Variants in LIMS2 observed in about 807,000 individuals in gnomAD.
LIMS2 encodes the protein LIM zinc finger domain containing 2.
LIMS2 carries 30 observed loss-of-function variants against 45.3 expected under a neutral mutation model. The ratio of observed to expected loss-of-function variants is 0.66; its 90% CI spans 0.50 to 0.90. The LOEUF (loss-of-function observed/expected upper bound fraction) is 0.90, where lower values mean the gene tolerates loss of function less well. Ranked by LOEUF, LIMS2 falls within the 40% of genes least tolerant of loss-of-function variation. LIMS2 has a pLI of 0.00. For synonymous variants in LIMS2, 173 were observed against 188.0 expected (o/e 0.92, Z 0.65); for missense variants, 485 against 468.7 (o/e 1.03, Z -0.32).
chr2:127,650,908 G>T, intron 4 of LIMS2: 1 of 1,613,988 alleles, frequency 6.2e-7, no homozygotes, highest in Non-Finnish European at 8.5e-7. Context: ...CTTTTCATCC[G>T]AGACCACAAG....
intron 6 of LIMS2, 37 bp from the exon 7 acceptor site, chr2:127,641,025 C>CT (rs768344690): frequency 1.3e-6 from 2 of 1,577,204 alleles, no homozygotes; most frequent in South Asian, 1.1e-5. Flanking sequence ...GGCATCAGGG[C>CT]TAGAGCGGTG....
chr2:127,648,958 AGGGG>A (rs1683300448), intron 4 of LIMS2, among the ~76,000 whole-genome samples: 16 of 27,400 alleles, frequency 5.8e-4, no homozygotes, highest in East Asian at 1.2e-3. Flanking sequence ...AGGGGAGGGG[AGGGG>A]AGGGGGGGAG....
intron 1 of LIMS2, chr2:127,673,779 A>AG: frequency 6.5e-7 from 1 of 1,545,778 alleles, no homozygotes; most frequent in South Asian, 1.2e-5. Context: ...GCCAGCTGGC[A>AG]GGGATGCTCT....
At chr2:127,679,190 AG>A (rs1247845276), upstream of LIMS2, among the ~76,000 whole-genome samples, 1 of 152,148 alleles carries the variant, frequency 6.6e-6, no homozygotes, top group African/African-American at 2.4e-5. This position sits in a 1 kb window ranked among gnomAD's most constrained non-coding sequence, Gnocchi z 5.3. Flanking sequence ...AGGGGCAGGC[AG>A]GGCCCCTGCA....
chr2:127,660,492 C>T (rs192097236), intron 1 of LIMS2, among the ~76,000 whole-genome samples: 23 of 152,226 alleles, frequency 1.5e-4, no homozygotes, highest in East Asian at 1.2e-3. Context: ...GGAATCGTTT[C>T]GAGGAACAGA....
At chr2:127,654,389 G>T (rs776466775) in intron 4 of LIMS2, 35 bp downstream of exon 4, 18 of 1,613,300 alleles carry the variant, frequency 1.1e-5, no homozygotes, top group Non-Finnish European at 1.4e-5. Context: ...AAGGGCTGTG[G>T]CCCAGTCCTC....
At position 127,672,074 on chromosome 2, in the gene LIMS2, CAT is replaced by C. The variant is rs1221466263; in HGVS notation, c.11+2938_11+2939del. Among the ~76,000 whole-genome samples the C allele has an allele frequency of 6.6e-6, 1 of 152,214 alleles. No homozygotes were observed. The highest frequency in any genetic ancestry group is 2.4e-5 in the African/African-American group (1 of 41,456). ...CACAATCAGGCATACGACAGCCTCA[CAT>C]GTGACACACATGACGGTCACACCAT... On this transcript the variant is annotated intron_variant, in intron 1 of 9. Coordinates refer to ENST00000355119, the MANE Select transcript of LIMS2 (RefSeq NM_001161403.3). This position sits in a 1 kb window ranked among gnomAD's most constrained non-coding sequence, Gnocchi z 4.9.
In LIMS2 at chr2:127,672,291, G is replaced by GT. The variant is rs1202728647; in HGVS notation, c.11+2722dup. Among the ~76,000 whole-genome samples, 7 of 152,180 alleles carry GT rather than the reference G, an allele frequency of 4.6e-5. No homozygotes were observed. The highest frequency in any genetic ancestry group is 1.7e-4 in the African/African-American group (7 of 41,436). On this transcript the variant is annotated intron_variant, in intron 1 of 9. Transcript: ENST00000355119. The surrounding 1 kb of genome is among the most constrained non-coding windows in gnomAD (Gnocchi z 4.9). ...TGTGATAGTCAAAGATCTTGTGGTT[G>GT]TAAGTTGCAAAGTCCCTGAGTTGCT...
At chr2:127,681,164 C>T (rs1258351255) in intron 1 of LIMS2, among the ~76,000 whole-genome samples, 1 of 152,144 alleles carries the variant, frequency 6.6e-6, no homozygotes, top group Non-Finnish European at 1.5e-5. Flanking sequence ...GTCCCCATGC[C>T]GCCTGACGGA....
rs576553267 is a variant in LIMS2, at chr2:127,655,165, C to A, written c.172-269G>T. ...AGGGCCACTGGTGTCTACTGAGGATCTGGACCCTGTTGGTCCGGAGAACAG... is the reference window on the plus strand; with the variant it reads ...AGGGCCACTGGTGTCTACTGAGGATATGGACCCTGTTGGTCCGGAGAACAG... On this transcript the variant is annotated intron_variant, in intron 2 of 9. Transcript: ENST00000355119. 6 of 567,388 alleles carry A rather than the reference C, an allele frequency of 1.1e-5. No individual in the cohort carries two copies. In the East Asian group the frequency reaches 1.5e-4, roughly 14 times the overall value. 35.1% of individuals were successfully genotyped at this position (567,388 alleles called of 1,614,324 possible). A position where few individuals can be genotyped will look rare whatever the true frequency, so the allele number is the denominator to read the frequency against.
chr2:127,676,482 G>A (rs186166380), upstream of LIMS2, among the ~76,000 whole-genome samples: 9 of 135,992 alleles, frequency 6.6e-5, no homozygotes, highest in Middle Eastern at 4.3e-3. Flanking sequence ...TGCAATCTCC[G>A]CTCACTGCAA....
intron 1 of LIMS2, among the ~76,000 whole-genome samples, chr2:127,661,902 T>C (rs1337431461): frequency 1.3e-5 from 2 of 152,170 alleles, no homozygotes; most frequent in Non-Finnish European, 2.9e-5. Flanking sequence ...TCCCATCTCC[T>C]CTTGGCATCC....
Position 127,642,480 on chromosome 2 carries a change from C to T in LIMS2, c.510-281G>A. On this transcript the variant is annotated intron_variant, in intron 5 of 9. Coordinates refer to ENST00000355119, the MANE Select transcript of LIMS2 (RefSeq NM_001161403.3). This position sits in a 1 kb window ranked among gnomAD's most constrained non-coding sequence, Gnocchi z 5.3. ...CTTGGGCCCCCCTCCTCCTCCAAACCAGAGGGGGTGTCTGGATAGGCACGG... is the reference window on the plus strand; with the variant it reads ...CTTGGGCCCCCCTCCTCCTCCAAACTAGAGGGGGTGTCTGGATAGGCACGG... The T allele has an allele frequency of 2.5e-6, 1 of 400,202 alleles. No homozygotes were observed. The highest frequency in any genetic ancestry group is 4.5e-6 in the Non-Finnish European group (1 of 224,356). 24.8% of individuals were successfully genotyped at this position (400,202 alleles called of 1,614,324 possible). A position where few individuals can be genotyped will look rare whatever the true frequency, so the allele number is the denominator to read the frequency against.
chr2:127,674,870 C>A, intron 1 of LIMS2, 144 bp downstream of exon 1: 1 of 1,211,460 alleles, frequency 8.3e-7, no homozygotes, highest in Non-Finnish European at 1.0e-6. Context: ...CGGGCGCTGC[C>A]GCCCCGGCAG....
rs1374266107 is a variant in LIMS2 at position 127,640,121 on chromosome 2, C to A, written c.827G>T (p.Trp276Leu). 3.7e-6 allele frequency: 6 copies of A among 1,613,486 alleles called. No individual in the cohort carries two copies. The highest frequency in any genetic ancestry group is 4.2e-6 in the Non-Finnish European group (5 of 1,180,000). The change falls in exon 9 of 10, where the codon TGG becomes TTG. Residue 276 changes from tryptophan (W) to leucine (L), a missense_variant. Coordinates refer to ENST00000355119, the MANE Select transcript of LIMS2 (RefSeq NM_001161403.3). Reference protein sequence around the residue: ...GDVVSALNKAWCVSCFSCSTC... With the variant: ...GDVVSALNKALCVSCFSCSTC... ...GGAGCAGGAGAAGCAGCTCACACAC[C>A]AGGCCTTGTTGAGGGCCGACACCAC...
rs965900185 is a variant in LIMS2 at position 127,643,297 on chromosome 2, C to A, written c.360-225G>T. 6.8e-6 allele frequency: 4 copies of A among 587,620 alleles called. 1 individual carries two copies. Among genetic ancestry groups the A allele is most frequent in the Admixed American group, 2.6e-5 (1 of 38,006 alleles). 36.4% of individuals were successfully genotyped at this position (587,620 alleles called of 1,614,324 possible). A position where few individuals can be genotyped will look rare whatever the true frequency, so the allele number is the denominator to read the frequency against. On this transcript the variant is annotated intron_variant, in intron 4 of 9. Coordinates refer to ENST00000355119, the MANE Select transcript of LIMS2 (RefSeq NM_001161403.3). Reference sequence around the variant, plus strand: ...GCTCAGCAGGAAAGATGCCAGAATGCTCGAGGTTACTGTCTCTGGATGGTA... The same window carrying A: ...GCTCAGCAGGAAAGATGCCAGAATGATCGAGGTTACTGTCTCTGGATGGTA...
At chr2:127,661,681 C>T (rs1684672084) in intron 1 of LIMS2, among the ~76,000 whole-genome samples, 1 of 152,226 alleles carries the variant, frequency 6.6e-6, no homozygotes, top group African/African-American at 2.4e-5. Flanking sequence ...CCTTCCTCAG[C>T]CCTCTCCAGC....
rs1329146584 is a variant in LIMS2, at chr2:127,667,315, A to C, written c.11+7699T>G. The stretch of plus-strand genomic sequence containing the variant: ...CAAAAAGAGAAAAAAACAAAAAACA[A>C]AAAACAACAAACCTTCACAAAATCT... On this transcript the variant is annotated intron_variant, in intron 1 of 9. Transcript: ENST00000355119. This position sits in a 1 kb window ranked among gnomAD's most constrained non-coding sequence, Gnocchi z 4.1. Among the ~76,000 whole-genome samples the C allele has an allele frequency of 6.6e-6, 1 of 152,184 alleles. No homozygotes were observed. Among genetic ancestry groups the C allele is most frequent in the Non-Finnish European group, 1.5e-5 (1 of 68,036 alleles).
intron 1 of LIMS2, among the ~76,000 whole-genome samples, chr2:127,663,272 G>A (rs1684794660): frequency 6.6e-6 from 1 of 152,110 alleles, no homozygotes. Context: ...GCCACACTCA[G>A]GTGAGTGACT....
Sources: gnomAD v4.1 joint callset for allele counts (sites outside exome capture counted in the v4.1 genomes callset) on GRCh38, gnomAD v4.1.1 for gene constraint, Gnocchi (gnomAD v3.1) non-coding constraint, MANE v1.5 for transcripts, NCBI Gene and HGNC (gene_info 2026-07-23, HGNC 2026-07-21) for gene names.